The following JMJD1C variants were observed in gnomAD, a reference collection of about 807,000 sequenced individuals.
JMJD1C encodes the protein jumonji domain containing 1C.
A neutral mutation model predicts 245.3 loss-of-function variants in JMJD1C; 31 were observed. The ratio of observed to expected loss-of-function variants is 0.13; its 90% CI spans 0.09 to 0.17. The LOEUF is 0.17. JMJD1C is among the 10% of genes least tolerant of loss of function. The pLI is 1.00. For missense variants in JMJD1C, 2,691 were observed against 3,000.2 expected (o/e 0.90, Z 2.41); for synonymous variants, 1,057 against 1,017.4 (o/e 1.04, Z -0.74).
chr10:63,380,122 TTGGTAGAGATGGGGTCTCGC>T, intron 2 of JMJD1C, 176 bp downstream of exon 2: 1 of 436,290 alleles, frequency 2.3e-6, no homozygotes, highest in South Asian at 2.7e-5. Flanking sequence ...TTTTTTTTTT[TTGGTAGAGATGGGGTCTCGC>T]TTTTTTGCCC....
At chr10:63,278,058 T>C (rs1037662883) in intron 2 of JMJD1C, among the ~76,000 whole-genome samples, 3 of 149,874 alleles carry the variant, frequency 2.0e-5, no homozygotes, top group Non-Finnish European at 4.5e-5. Flanking sequence ...ACAAAAGTTA[T>C]TAGGTTAATA....
chr10:63,407,273 A>G (rs546866455), intron 1 of JMJD1C, among the ~76,000 whole-genome samples: 1 of 152,342 alleles, frequency 6.6e-6, no homozygotes, highest in African/African-American at 2.4e-5. Flanking sequence ...ACCAAGAAGC[A>G]TATTAAAACA....
intron 10 of JMJD1C, among the ~76,000 whole-genome samples, chr10:63,201,891 C>G (rs1846050729): frequency 6.6e-6 from 1 of 150,590 alleles, no homozygotes; most frequent in Non-Finnish European, 1.5e-5. Context: ...CATTGCGCCA[C>G]TGCACTCCAG....
Position 63,168,464 on chromosome 10 carries a change from C to CCTT in JMJD1C, c.7501_7503dup (p.Lys2501dup), listed in dbSNP as rs1842051759. The CCTT allele has an allele frequency of 6.2e-7, 1 of 1,609,392 alleles. No homozygotes were observed. Among genetic ancestry groups the CCTT allele is most frequent in the East Asian group, 2.2e-5 (1 of 44,702 alleles). The stretch of plus-strand genomic sequence containing the variant: ...AGTTTATCATCATAATTGATTTCTT[C>CCTT]CTTCAAAAGTCTCAGTTCCTGTGTT... On this transcript the variant is annotated inframe_insertion, in exon 25 of 26. Coordinates refer to ENST00000399262, the MANE Select transcript of JMJD1C (RefSeq NM_032776.3).
At chr10:63,513,327 C>T (rs1487463093) in intron 1 of JMJD1C, among the ~76,000 whole-genome samples, 8 of 152,070 alleles carry the variant, frequency 5.3e-5, no homozygotes, top group Non-Finnish European at 8.8e-5. Flanking sequence ...TTTAAGACTT[C>T]AATGTAAGAC....
At chr10:63,188,298 G>C (rs1206839911) in intron 18 of JMJD1C, among the ~76,000 whole-genome samples, 2 of 152,206 alleles carry the variant, frequency 1.3e-5, no homozygotes, top group African/African-American at 2.4e-5. Flanking sequence ...AGGCAAAAAA[G>C]ACATGCTAAA....
intron 2 of JMJD1C, among the ~76,000 whole-genome samples, chr10:63,377,659 C>T (rs1445818676): frequency 6.6e-6 from 1 of 151,900 alleles, no homozygotes; most frequent in Admixed American, 6.6e-5. Context: ...TGCTTGAACC[C>T]GGGAGGCAGA....
intron 1 of JMJD1C, among the ~76,000 whole-genome samples, chr10:63,506,686 C>T (rs976255158): frequency 6.6e-6 from 1 of 152,160 alleles, no homozygotes; most frequent in Admixed American, 6.5e-5. Flanking sequence ...CCGCCTGTCC[C>T]TACACAGACA....
intron 2 of JMJD1C, among the ~76,000 whole-genome samples, chr10:63,279,656 C>T (rs1224972257): frequency 6.6e-6 from 1 of 152,122 alleles, no homozygotes; most frequent in Non-Finnish European, 1.5e-5. Context: ...GTAGTCCCAG[C>T]TACAAAGGAG....
intron 2 of JMJD1C, among the ~76,000 whole-genome samples, chr10:63,365,668 T>C (rs1480881526): frequency 6.6e-6 from 1 of 152,216 alleles, no homozygotes; most frequent in Non-Finnish European, 1.5e-5. Context: ...TCAGTTGTGC[T>C]ACTAATTAAA....
intron 1 of JMJD1C, among the ~76,000 whole-genome samples, chr10:63,448,926 G>A (rs1417162650): frequency 1.3e-5 from 2 of 152,066 alleles, no homozygotes; most frequent in Non-Finnish European, 2.9e-5. Context: ...AGCCCAGCCT[G>A]GCCAACATGG....
chr10:63,460,179 A>G (rs1952687706), intron 1 of JMJD1C, among the ~76,000 whole-genome samples: 1 of 152,182 alleles, frequency 6.6e-6, no homozygotes, highest in Admixed American at 6.5e-5. Flanking sequence ...GCGGAGGGGA[A>G]GGTACACAGT....
intron 24 of JMJD1C, among the ~76,000 whole-genome samples, chr10:63,171,106 A>G (rs1490866133): frequency 6.6e-6 from 1 of 152,180 alleles, no homozygotes; most frequent in East Asian, 1.9e-4. Flanking sequence ...AATTTTCTAA[A>G]CTCATGATAA....
Position 63,227,150 on chromosome 10 carries a change from T to C in JMJD1C, c.448-7167A>G, listed in dbSNP as rs373232216. Among the ~76,000 whole-genome samples, 4 of 152,296 alleles carry C rather than the reference T, an allele frequency of 2.6e-5. No individual in the cohort carries two copies. In the East Asian group the frequency reaches 5.8e-4, roughly 22 times the overall value. ...TAATTTTAGGTGATTATGTACTTTC[T>C]ACTTAATTCGAAAGAAAAAAATAAC... On this transcript the variant is annotated intron_variant, in intron 3 of 25. Transcript: ENST00000399262.
chr10:63,189,521 T>A (rs1023295589), intron 17 of JMJD1C, 75 bp from the exon 18 acceptor site: 2 of 1,169,750 alleles, frequency 1.7e-6, no homozygotes, highest in African/African-American at 1.5e-5. Context: ...CACAGACTTA[T>A]TTTTTTTTAA....
intron 2 of JMJD1C, among the ~76,000 whole-genome samples, chr10:63,299,876 T>C (rs1345897666): frequency 2.0e-5 from 3 of 151,558 alleles, no homozygotes; most frequent in Non-Finnish European, 4.4e-5. Context: ...CCCAGTCTTC[T>C]TGAATTTTCA....
chr10:63,511,566 C>T (rs184345560), intron 1 of JMJD1C, among the ~76,000 whole-genome samples: 2 of 152,104 alleles, frequency 1.3e-5, no homozygotes, highest in Admixed American at 1.3e-4. Flanking sequence ...AAAAATTAGC[C>T]GGGCGCAGTG....
At chr10:63,282,545 T>A (rs1393376698) in intron 2 of JMJD1C, among the ~76,000 whole-genome samples, 1 of 152,236 alleles carries the variant, frequency 6.6e-6, no homozygotes, top group Admixed American at 6.5e-5. Flanking sequence ...CTGAAGTGTT[T>A]TCTTTCAATT....
intron 2 of JMJD1C, among the ~76,000 whole-genome samples, chr10:63,364,406 T>C (rs1025399703): frequency 6.6e-6 from 1 of 152,264 alleles, no homozygotes; most frequent in Non-Finnish European, 1.5e-5. Context: ...ATTCTAAAAA[T>C]GTATTTCTAT....
Sources: gnomAD v4.1 joint callset for allele counts (sites outside exome capture counted in the v4.1 genomes callset) on GRCh38, gnomAD v4.1.1 for gene constraint, MANE v1.5 for transcripts, NCBI Gene and HGNC (gene_info 2026-07-23, HGNC 2026-07-21) for gene names.